Variants in SLITRK6 observed in about 807,000 individuals in gnomAD.
The protein encoded by SLITRK6 is SLIT and NTRK like family member 6, also known as SLIT and NTRK-like protein 6.
SLITRK6 carries 35 observed loss-of-function variants against 55.6 expected under a neutral mutation model. That is an observed-to-expected ratio of 0.63 (90% CI 0.48 to 0.83). SLITRK6 has a LOEUF of 0.83. Among genes scored for constraint, SLITRK6 ranks in the 40% least tolerant of loss-of-function variants. The probability of loss-of-function intolerance (pLI) is 0.00; values close to 1 mark genes in which losing one functional copy is unlikely to be tolerated. For missense variants in SLITRK6, 977 were observed against 986.4 expected (o/e 0.99, Z 0.13); for synonymous variants, 392 against 359.6 (o/e 1.09, Z -1.02).
At position 85,793,555 on chromosome 13, in the gene SLITRK6, A is replaced by G. The variant is rs1305544459; in HGVS notation, c.*428T>C. 6.4e-6 allele frequency: 1 copy of G among 155,788 alleles called. No homozygotes were observed. Among genetic ancestry groups the G allele is most frequent in the Non-Finnish European group, 1.4e-5 (1 of 70,312 alleles). 9.7% of individuals were successfully genotyped at this position (155,788 alleles called of 1,614,324 possible). ...CATTTTTGAAGTACATACTGGTTAT[A>G]AACAATGTATTCCTTACATATTATA... On this transcript the variant is annotated 3_prime_UTR_variant, in exon 2 of 2. Transcript: ENST00000647374.
chr13:85,796,217 T>G lies in SLITRK6; in HGVS notation c.292A>C (p.Asn98His). Residue 98 changes from asparagine to histidine, a missense_variant, in exon 2 of 2, where the codon AAC becomes CAC. Asn to His is a moderately conservative substitution (Grantham distance 68). Coordinates refer to ENST00000647374, the MANE Select transcript of SLITRK6 (RefSeq NM_032229.3). The part of the protein sequence containing the change: ...TNAISIHLGF[N>H]NIADIEIGAF... Reference sequence around the variant, plus strand: ...CCTATCTCAATATCTGCAATATTGTTAAATCCAAGGTGTATTGAAATAGCA... The same window carrying G: ...CCTATCTCAATATCTGCAATATTGTGAAATCCAAGGTGTATTGAAATAGCA... The G allele has an allele frequency of 4.3e-6, 7 of 1,613,106 alleles. No individual in the cohort carries two copies. Among genetic ancestry groups the G allele is most frequent in the Non-Finnish European group, 3.4e-6 (4 of 1,179,434 alleles).
At position 85,794,513 on chromosome 13, in the gene SLITRK6, T is replaced by A; in HGVS notation, c.1996A>T (p.Thr666Ser). 6.2e-7 allele frequency: 1 copy of A among 1,613,162 alleles called. No homozygotes were observed. The highest frequency in any genetic ancestry group is 8.5e-7 in the Non-Finnish European group (1 of 1,179,526). Residue 666 changes from threonine (T) to serine (S), a missense_variant, in exon 2 of 2, where the codon ACT becomes TCT. Physicochemically the swap from Thr to Ser is moderately conservative, Grantham distance 58. Transcript: ENST00000647374. The stretch of plus-strand genomic sequence containing the variant: ...GAGGGTCTTTCAGTAGTGTGATGAG[T>A]GGTTTTATGGCCATACATGCTGTAC... The part of the protein sequence containing the change: ...LQYSMYGHKT[T>S]HHTTERPSAS...
intron 1 of SLITRK6, among the ~76,000 whole-genome samples, chr13:85,798,540 A>G (rs1874789293): frequency 6.6e-6 from 1 of 152,096 alleles, no homozygotes. Flanking sequence ...TTTTCAAATC[A>G]GAAAATAAGT....
At position 85,793,370 on chromosome 13, in the gene SLITRK6, A is replaced by G. The variant is rs1566396634; in HGVS notation, c.*613T>C. 6.6e-6 allele frequency: 1 copy of G among 152,364 alleles called. No homozygotes were observed. Among genetic ancestry groups the G allele is most frequent in the Non-Finnish European group, 1.5e-5 (1 of 67,914 alleles). 9.4% of individuals were successfully genotyped at this position (152,364 alleles called of 1,614,324 possible). A position where few individuals can be genotyped will look rare whatever the true frequency, so the allele number is the denominator to read the frequency against. On this transcript the variant is annotated 3_prime_UTR_variant, in exon 2 of 2. Transcript: ENST00000647374. ...AACTTTTTAATTTAGAATGCATGAG[A>G]GTGGCATTTGTTTAAGCTCAAATGT...
intron 1 of SLITRK6, among the ~76,000 whole-genome samples, chr13:85,797,615 T>C (rs1345173095): frequency 2.0e-5 from 3 of 151,670 alleles, no homozygotes; most frequent in Admixed American, 6.6e-5. Flanking sequence ...AACAATGAAA[T>C]CTGAAACAAA....
chr13:85,794,863 G>T lies in SLITRK6; in HGVS notation c.1646C>A (p.Pro549His), dbSNP rs1422331146. 6.2e-7 allele frequency: 1 copy of T among 1,612,940 alleles called. No individual in the cohort carries two copies. Among genetic ancestry groups the T allele is most frequent in the Non-Finnish European group, 8.5e-7 (1 of 1,179,490 alleles). Reference sequence around the variant, plus strand: ...CAATTCCTTTTTGTCGAGATGCCCGGGGGAAGTGCAGAGGATGTCATCTGT... The same window carrying T: ...CAATTCCTTTTTGTCGAGATGCCCGTGGGAAGTGCAGAGGATGTCATCTGT... The part of the protein sequence containing the change: ...TVTDDILCTS[P>H]GHLDKKELKA... Residue 549 changes from proline to histidine, a missense_variant, in exon 2 of 2, where the codon CCC becomes CAC. Physicochemically the swap from Pro to His is moderately conservative, Grantham distance 77. Coordinates refer to ENST00000647374, the MANE Select transcript of SLITRK6 (RefSeq NM_032229.3).
In SLITRK6 at chr13:85,794,293, G is replaced by A. The variant is rs371386786; in HGVS notation, c.2216C>T (p.Thr739Ile). The stretch of plus-strand genomic sequence containing the variant: ...TAAAAATTCTGTTGATTGGTTCGTG[G>A]TTTTGTATTTCATATTTGACCCTGT... ...PLTGSNMKYK[T>I]TNQSTEFLSF... The change falls in exon 2 of 2, where the codon ACC becomes ATC. Residue 739 changes from threonine to isoleucine, a missense_variant. Coordinates refer to ENST00000647374, the MANE Select transcript of SLITRK6 (RefSeq NM_032229.3). 4.1e-5 allele frequency: 66 copies of A among 1,613,176 alleles called. No homozygotes were observed. Among genetic ancestry groups the A allele is most frequent in the Non-Finnish European group, 5.3e-5 (62 of 1,179,576 alleles).
In SLITRK6 at chr13:85,794,713, C is replaced by T. The variant is rs267603864; in HGVS notation, c.1796G>A (p.Arg599Gln). The T allele has an allele frequency of 9.3e-6, 15 of 1,613,080 alleles. No homozygotes were observed. The East Asian group carries it at 1.1e-4, about 12-fold the overall frequency. Residue 599 changes from arginine to glutamine, a missense_variant, in exon 2 of 2, where the codon CGA becomes CAA. Physicochemically the swap from Arg to Gln is conservative, Grantham distance 43. Coordinates refer to ENST00000647374, the MANE Select transcript of SLITRK6 (RefSeq NM_032229.3). ...TTTNTADTILRSLTDAVPLSV... is the reference protein window; with the variant it reads ...TTTNTADTILQSLTDAVPLSV... ...CAGTGGCACAGCGTCCGTAAGAGATCGTAAAATAGTATCAGCCGTATTTGT... is the reference window on the plus strand; with the variant it reads ...CAGTGGCACAGCGTCCGTAAGAGATTGTAAAATAGTATCAGCCGTATTTGT...
At position 85,794,714 on chromosome 13, in the gene SLITRK6, G is replaced by C. The variant is rs772203918; in HGVS notation, c.1795C>G (p.Arg599Gly). The C allele has an allele frequency of 1.9e-6, 3 of 1,613,066 alleles. No individual in the cohort carries two copies. Among genetic ancestry groups the C allele is most frequent in the Admixed American group, 1.7e-5 (1 of 59,830 alleles). ...AGTGGCACAGCGTCCGTAAGAGATC[G>C]TAAAATAGTATCAGCCGTATTTGTT... ...TTTNTADTILRSLTDAVPLSV... is the reference protein window; with the variant it reads ...TTTNTADTILGSLTDAVPLSV... The change falls in exon 2 of 2, where the codon CGA (arginine) becomes GGA (glycine). Residue 599 changes from arginine (R) to glycine (G), a missense_variant. Arg to Gly is a moderately radical substitution (Grantham distance 125). Coordinates refer to ENST00000647374, the MANE Select transcript of SLITRK6 (RefSeq NM_032229.3).
At position 85,795,604 on chromosome 13, in the gene SLITRK6, G is replaced by C. The variant is rs1329562642; in HGVS notation, c.905C>G (p.Ser302Cys). Reference protein sequence around the residue: ...NDSRMSTKTTSILKLPTKAPG... With the variant: ...NDSRMSTKTTCILKLPTKAPG... ...TGCTTTGGTGGGTAGTTTTAGAATG[G>C]ACGTGGTCTTAGTTGACATGCGACT... Residue 302 changes from serine (S) to cysteine (C), a missense_variant, in exon 2 of 2, where the codon TCC becomes TGC. Coordinates refer to ENST00000647374, the MANE Select transcript of SLITRK6 (RefSeq NM_032229.3). The C allele has an allele frequency of 6.2e-7, 1 of 1,612,878 alleles. No homozygotes were observed. The highest frequency in any genetic ancestry group is 1.3e-5 in the African/African-American group (1 of 74,828).
Position 85,794,183 on chromosome 13 carries a change from T to C in SLITRK6, c.2326A>G (p.Arg776Gly), listed in dbSNP as rs566852219. Residue 776 changes from arginine to glycine, a missense_variant, in exon 2 of 2, where the codon AGG becomes GGG. Arg to Gly is a moderately radical substitution (Grantham distance 125, BLOSUM62 -2). Coordinates refer to ENST00000647374, the MANE Select transcript of SLITRK6 (RefSeq NM_032229.3). ...LQQLGITEYL[R>G]KNIAQLQPDM... ...GGCTGGAGCTGAGCAATGTTTTTCC[T>C]TAGGTATTCTGTGATTCCCAGTTGC... is the stretch of plus-strand genomic sequence containing the variant. 14 of 1,612,902 alleles carry C rather than the reference T, an allele frequency of 8.7e-6. No homozygotes were observed. The highest frequency in any genetic ancestry group is 1.2e-5 in the Non-Finnish European group (14 of 1,179,404).
rs1037227092 is a variant in SLITRK6, at chr13:85,795,849, C to A, written c.660G>T (p.Trp220Cys). ...ILDLQLEDNK[W>C]ACNCDLLQLK... Reference sequence around the variant, plus strand: ...ACTGCAATAAGTCACAATTGCAGGCCCATTTGTTGTCCTCCAACTGAAGAT... The same window carrying A: ...ACTGCAATAAGTCACAATTGCAGGCACATTTGTTGTCCTCCAACTGAAGAT... The change falls in exon 2 of 2, where the codon TGG (tryptophan) becomes TGT (cysteine). Residue 220 changes from tryptophan (W) to cysteine (C), a missense_variant. Trp to Cys is a radical substitution (Grantham distance 215). Coordinates refer to ENST00000647374, the MANE Select transcript of SLITRK6 (RefSeq NM_032229.3). The A allele has an allele frequency of 6.2e-7, 1 of 1,612,992 alleles. No homozygotes were observed. Among genetic ancestry groups the A allele is most frequent in the African/African-American group, 1.3e-5 (1 of 74,928 alleles).
chr13:85,794,284 T>C lies in SLITRK6; in HGVS notation c.2225A>G (p.Gln742Arg). The C allele has an allele frequency of 6.2e-7, 1 of 1,613,392 alleles. No homozygotes were observed. The highest frequency in any genetic ancestry group is 8.5e-7 in the Non-Finnish European group (1 of 1,179,568). ...TTGGAAGGATAAAAATTCTGTTGAT[T>C]GGTTCGTGGTTTTGTATTTCATATT... ...GSNMKYKTTN[Q>R]STEFLSFQDA... The change falls in exon 2 of 2, where the codon CAA (glutamine) becomes CGA (arginine). Residue 742 changes from glutamine (Q) to arginine (R), a missense_variant. Transcript: ENST00000647374.
rs1039423321 is a variant in SLITRK6 at position 85,792,960 on chromosome 13, G to A, written c.*1023C>T. On this transcript the variant is annotated 3_prime_UTR_variant, in exon 2 of 2. Coordinates refer to ENST00000647374, the MANE Select transcript of SLITRK6 (RefSeq NM_032229.3). ...AAAGCTACATTGTCCCTCTCTTGAGGCAACTTAAACCACTTACCTTTAGAA... is the reference window on the plus strand; with the variant it reads ...AAAGCTACATTGTCCCTCTCTTGAGACAACTTAAACCACTTACCTTTAGAA... 4 of 151,970 alleles carry A rather than the reference G, an allele frequency of 2.6e-5. No individual in the cohort carries two copies. The highest frequency in any genetic ancestry group is 7.3e-5 in the African/African-American group (3 of 41,320). The allele number at this position is 151,970 out of a possible 1,614,324, so 9.4% of individuals were successfully genotyped here.
Position 85,796,164 on chromosome 13 carries a change from T to C in SLITRK6, c.345A>G (p.Lys115=). The change falls in exon 2 of 2, where the codon AAA becomes AAG. Residue 115 remains lysine (K), a synonymous_variant. Coordinates refer to ENST00000647374, the MANE Select transcript of SLITRK6 (RefSeq NM_032229.3). ...AAGAATTGTGATTGATATGAAGTTG[T>C]TTCAGGAGGCCAAGGCCATTAAATG... The part of the protein sequence containing the change: ...IGAFNGLGLL[K]QLHINHNSLE... 1 of 1,612,972 alleles carries C rather than the reference T, an allele frequency of 6.2e-7. No homozygotes were observed. The highest frequency in any genetic ancestry group is 8.5e-7 in the Non-Finnish European group (1 of 1,179,448).
In SLITRK6 at chr13:85,798,644, A is replaced by AC. The variant is rs1874791991; in HGVS notation, c.-25+269_-25+270insG. On this transcript the variant is annotated intron_variant, in intron 1 of 1. Coordinates refer to ENST00000647374, the MANE Select transcript of SLITRK6 (RefSeq NM_032229.3). ...GTGATCCTTCCTTCAGAAAGCACAC[A>AC]TATTTAGTTTCTAACAACAAACTGC... 3.9e-5 allele frequency among the ~76,000 whole-genome samples: 6 copies of AC among 152,182 alleles called. No individual in the cohort carries two copies. In the South Asian group the frequency reaches 1.2e-3, roughly 31 times the overall value.
rs1235446488 is a variant in SLITRK6 at position 85,798,909 on chromosome 13, C to T, written c.-25+5G>A. ...ATAAGAAAAGCCTGGAAACATTCATCTTACCTGTAAAGCAGAGACTCTTCC... is the reference window on the plus strand; with the variant it reads ...ATAAGAAAAGCCTGGAAACATTCATTTTACCTGTAAAGCAGAGACTCTTCC... On this transcript the variant is annotated splice_donor_5th_base_variant and intron_variant, in intron 1 of 1. Coordinates refer to ENST00000647374, the MANE Select transcript of SLITRK6 (RefSeq NM_032229.3). The T allele has an allele frequency of 6.6e-6, 1 of 151,842 alleles. No individual in the cohort carries two copies. Among genetic ancestry groups the T allele is most frequent in the Non-Finnish European group, 1.5e-5 (1 of 67,952 alleles). 9.4% of individuals were successfully genotyped at this position (151,842 alleles called of 1,614,324 possible).
Position 85,793,515 on chromosome 13 carries a change from A to C in SLITRK6, c.*468T>G, listed in dbSNP as rs2137167685. On this transcript the variant is annotated 3_prime_UTR_variant, in exon 2 of 2. Transcript: ENST00000647374. ...TGCATTTATTGCAAGAAAGTTAGGT[A>C]TGTTTGACAATACACATTTTTGAAG... 6.5e-6 allele frequency: 1 copy of C among 152,876 alleles called. No individual in the cohort carries two copies. Among genetic ancestry groups the C allele is most frequent in the East Asian group, 1.9e-4 (1 of 5,176 alleles). The allele number at this position is 152,876 out of a possible 1,614,324, so 9.5% of individuals were successfully genotyped here. A position where few individuals can be genotyped will look rare whatever the true frequency, so the allele number is the denominator to read the frequency against.
chr13:85,793,932 G>A lies in SLITRK6; in HGVS notation c.*51C>T, dbSNP rs1377291924. 2.0e-5 allele frequency: 31 copies of A among 1,539,652 alleles called. No individual in the cohort carries two copies. The highest frequency in any genetic ancestry group is 2.6e-5 in the Non-Finnish European group (30 of 1,146,002). On this transcript the variant is annotated 3_prime_UTR_variant, in exon 2 of 2. Coordinates refer to ENST00000647374, the MANE Select transcript of SLITRK6 (RefSeq NM_032229.3). ...CGTAAGGCACTTATTTACAAGGTATGGACTTAAAACAGAATCACAGCATTT... is the reference window on the plus strand; with the variant it reads ...CGTAAGGCACTTATTTACAAGGTATAGACTTAAAACAGAATCACAGCATTT...
Sources: gnomAD v4.1 joint callset for allele counts (sites outside exome capture counted in the v4.1 genomes callset) on GRCh38, gnomAD v4.1.1 for gene constraint, MANE v1.5 for transcripts, NCBI Gene and HGNC (gene_info 2026-07-23, HGNC 2026-07-21) for gene names.